CTTNBP2: variants seen among roughly 807,000 people sequenced by gnomAD.
CTTNBP2 encodes the protein cortactin binding protein 2.
Under a neutral mutation model 156.9 loss-of-function variants are expected in CTTNBP2, and 108 were observed. The observed-to-expected ratio is 0.69, with a 90% CI of 0.59 to 0.81. The LOEUF is 0.81. Among genes scored for constraint, CTTNBP2 ranks in the 30% least tolerant of loss-of-function variants. CTTNBP2 has a pLI of 0.00. For synonymous variants in CTTNBP2, 767 were observed against 751.8 expected (o/e 1.02, Z -0.33); for missense variants, 1,924 against 2,035.4 (o/e 0.95, Z 1.05).
At position 117,746,030 on chromosome 7, in the gene CTTNBP2, G is replaced by C. The variant is rs745415174; in HGVS notation, c.3418C>G (p.Leu1140Val). ...ATCAATACCTTCAGGCAGAGTGCAA[G>C]CTGATGTACTATGTAGTCTTGCAAG... Reference protein sequence around the residue: ...GSLQDYIVHQLALCLKHRQMA... With the variant: ...GSLQDYIVHQVALCLKHRQMA... The change falls in exon 13 of 23, where the codon CTT becomes GTT. Residue 1140 changes from leucine to valine, a missense_variant. By Grantham distance (32) the Leu-to-Val change is conservative. Coordinates refer to ENST00000160373, the MANE Select transcript of CTTNBP2 (RefSeq NM_033427.3). 1 of 1,614,012 alleles carries C rather than the reference G, an allele frequency of 6.2e-7. No homozygotes were observed. The highest frequency in any genetic ancestry group is 1.7e-5 in the Admixed American group (1 of 60,032).
chr7:117,781,541 C>A lies in CTTNBP2; in HGVS notation c.2373-950G>T, dbSNP rs1046561024. Among the ~76,000 whole-genome samples the A allele has an allele frequency of 2.0e-4, 30 of 152,326 alleles. 1 individual carries two copies. Among genetic ancestry groups the A allele is most frequent in the African/African-American group, 7.2e-4 (30 of 41,572 alleles). On this transcript the variant is annotated intron_variant, in intron 6 of 22. Coordinates refer to ENST00000160373, the MANE Select transcript of CTTNBP2 (RefSeq NM_033427.3). ...AGATGACGAAGTCAGGAGATCCAGA[C>A]CATTCTGGCCAACACGGTGAAACCC...
intron 8 of CTTNBP2, 118 bp downstream of exon 8, chr7:117,777,393 T>G (rs1200894790): frequency 3.8e-5 from 38 of 1,007,042 alleles, no homozygotes; most frequent in Non-Finnish European, 5.3e-5. Context: ...AAATAACATC[T>G]GCAATTGTAT....
intron 8 of CTTNBP2, among the ~76,000 whole-genome samples, chr7:117,775,676 G>GT (rs2116756259): frequency 6.6e-6 from 1 of 151,670 alleles, no homozygotes; most frequent in East Asian, 1.9e-4. Context: ...TTTTAAAGGA[G>GT]TGGAGGCAGG....
intron 3 of CTTNBP2, among the ~76,000 whole-genome samples, chr7:117,803,354 A>G (rs531229808): frequency 6.6e-6 from 1 of 152,284 alleles, no homozygotes; most frequent in Non-Finnish European, 1.5e-5. Context: ...GTACACATAA[A>G]AAGATAGGAA....
Position 117,791,398 on chromosome 7 carries a change from C to T in CTTNBP2, c.1798G>A (p.Glu600Lys). 2 of 1,614,160 alleles carry T rather than the reference C, an allele frequency of 1.2e-6. No individual in the cohort carries two copies. The highest frequency in any genetic ancestry group is 1.7e-6 in the Non-Finnish European group (2 of 1,180,036). ...GAGGATGACTTAGGAAGGTTCTCCT[C>T]ATTGATCACCCTGTTCCCTTGTGGC... is the stretch of plus-strand genomic sequence containing the variant. ...SLPQGNRVIN[E>K]ENLPKSSSPQ... Residue 600 changes from glutamate to lysine, a missense_variant, in exon 4 of 23, where the codon GAG (glutamate) becomes AAG (lysine). Transcript: ENST00000160373.
At chr7:117,723,339 TA>T (rs1302992512) in intron 19 of CTTNBP2, among the ~76,000 whole-genome samples, 1 of 152,122 alleles carries the variant, frequency 6.6e-6, no homozygotes. Flanking sequence ...AATACAAGCT[TA>T]AAAATGAAAA....
chr7:117,750,458 T>C (rs983918449), intron 12 of CTTNBP2, among the ~76,000 whole-genome samples: 1 of 152,188 alleles, frequency 6.6e-6, no homozygotes, highest in African/African-American at 2.4e-5. Context: ...CTGAATTAGG[T>C]AGGTAAAGAG....
intron 3 of CTTNBP2, among the ~76,000 whole-genome samples, chr7:117,809,000 C>T (rs577502907): frequency 2.0e-5 from 3 of 152,306 alleles, no homozygotes; most frequent in Admixed American, 2.0e-4. Flanking sequence ...AAACCCTTCA[C>T]TGAGACGACA....
In CTTNBP2 at chr7:117,791,189, G is replaced by A. The variant is rs971833242; in HGVS notation, c.2007C>T (p.Asn669=). The part of the protein sequence containing the change: ...PTTIAFCSSI[N]PVSASSCRPG... ...GTCTACAGGATGAGGCACTAACGGGGTTTATGGAAGAGCAAAAGGCAATGG... is the reference window on the plus strand; with the variant it reads ...GTCTACAGGATGAGGCACTAACGGGATTTATGGAAGAGCAAAAGGCAATGG... Residue 669 remains asparagine, a synonymous_variant, in exon 4 of 23, where the codon AAC becomes AAT. Coordinates refer to ENST00000160373, the MANE Select transcript of CTTNBP2 (RefSeq NM_033427.3). The A allele has an allele frequency of 8.1e-6, 13 of 1,614,090 alleles. No homozygotes were observed. The highest frequency in any genetic ancestry group is 2.2e-5 in the East Asian group (1 of 44,894).
intron 14 of CTTNBP2, among the ~76,000 whole-genome samples, chr7:117,740,846 T>C (rs1795969822): frequency 6.6e-6 from 1 of 152,198 alleles, no homozygotes; most frequent in Non-Finnish European, 1.5e-5. Flanking sequence ...CTGAAGTCTC[T>C]GGTGTCCTTG....
chr7:117,722,871 G>A (rs934456684), intron 19 of CTTNBP2, among the ~76,000 whole-genome samples: 1 of 152,128 alleles, frequency 6.6e-6, no homozygotes, highest in Non-Finnish European at 1.5e-5. Context: ...TTACAGAACC[G>A]CATATTTCCA....
Position 117,734,985 on chromosome 7 carries a change from C to T in CTTNBP2, c.3804G>A (p.Val1268=). ...DLLVQQHFRW[V]QLRWDGEPMQ... ...TGGGCTCGCCATCCCACCGCAGCTG[C>T]ACCCAGCGGAAATGCTGCTGCACCA... is the stretch of plus-strand genomic sequence containing the variant. The change falls in exon 16 of 23, where the codon GTG becomes GTA. Residue 1268 remains valine, a synonymous_variant. Transcript: ENST00000160373. The T allele has an allele frequency of 6.2e-7, 1 of 1,614,156 alleles. No individual in the cohort carries two copies. Among genetic ancestry groups the T allele is most frequent in the East Asian group, 2.2e-5 (1 of 44,876 alleles).
At chr7:117,756,775 A>G in intron 11 of CTTNBP2, 141 bp from the exon 12 acceptor site, 4 of 674,184 alleles carry the variant, frequency 5.9e-6, no homozygotes, top group African/African-American at 1.8e-5. Flanking sequence ...GGAGGCACCA[A>G]TGTGCCTTTC....
chr7:117,858,998 CGT>C lies in CTTNBP2; in HGVS notation c.189+2209_189+2210del, dbSNP rs376330109. Among the ~76,000 whole-genome samples, 830 of 152,178 alleles carry C rather than the reference CGT, an allele frequency of 5.5e-3. 6 individuals are homozygous for C. The highest frequency in any genetic ancestry group is 0.019 in the African/African-American group (788 of 41,530). Reference sequence around the variant, plus strand: ...TGCCATGAATAGGTTCAAATAGACACGTGTTTTATCACGTCTTTCAGTACAGT... The same window carrying C: ...TGCCATGAATAGGTTCAAATAGACACGTTTTATCACGTCTTTCAGTACAGT... On this transcript the variant is annotated intron_variant, in intron 2 of 22. Coordinates refer to ENST00000160373, the MANE Select transcript of CTTNBP2 (RefSeq NM_033427.3).
intron 12 of CTTNBP2, among the ~76,000 whole-genome samples, chr7:117,747,886 T>C (rs117781561): frequency 1.3e-5 from 2 of 152,292 alleles, no homozygotes; most frequent in East Asian, 3.9e-4. Context: ...ATTCAGACCA[T>C]GAGCTAAGAG....
chr7:117,757,503 T>C (rs1562977489), intron 11 of CTTNBP2, among the ~76,000 whole-genome samples: 1 of 140,034 alleles, frequency 7.1e-6, no homozygotes, highest in Non-Finnish European at 1.5e-5. Flanking sequence ...ATCGTGATCA[T>C]CGTATTAAGC....
In CTTNBP2 at chr7:117,791,033, A is replaced by T. The variant is rs962695897; in HGVS notation, c.2068+95T>A. 312 of 966,164 alleles carry T rather than the reference A, an allele frequency of 3.2e-4. 2 individuals carry two copies. Among genetic ancestry groups the T allele is most frequent in the South Asian group, 1.6e-3 (88 of 54,486 alleles). 59.8% of individuals were successfully genotyped at this position (966,164 alleles called of 1,614,324 possible). ...GGGGGTGGGGGGAAGCATCAAATTT[A>T]AAAAAAAAGTTTCAAGGCAATGTGA... On this transcript the variant is annotated intron_variant, in intron 4 of 22. Coordinates refer to ENST00000160373, the MANE Select transcript of CTTNBP2 (RefSeq NM_033427.3).
chr7:117,797,237 A>C (rs1367877041), intron 3 of CTTNBP2, among the ~76,000 whole-genome samples: 1 of 152,188 alleles, frequency 6.6e-6, no homozygotes, highest in African/African-American at 2.4e-5. Flanking sequence ...AGAATGACAG[A>C]AGGTGGCTGC....
chr7:117,795,683 G>A (rs371477241), intron 3 of CTTNBP2, among the ~76,000 whole-genome samples: 50 of 152,236 alleles, frequency 3.3e-4, no homozygotes, highest in African/African-American at 1.1e-3. Flanking sequence ...GTTCCAAGTG[G>A]AGAGCAATTC....
Sources: gnomAD v4.1 joint callset for allele counts (sites outside exome capture counted in the v4.1 genomes callset) on GRCh38, gnomAD v4.1.1 for gene constraint, MANE v1.5 for transcripts, NCBI Gene and HGNC (gene_info 2026-07-23, HGNC 2026-07-21) for gene names.